Variants in ZNF136 observed in about 807,000 individuals in gnomAD.
ZNF136 encodes the protein zinc finger protein 136 (clone pHZ-20).
Under a neutral mutation model 11.4 loss-of-function variants are expected in ZNF136, and 8 were observed. The ratio of observed to expected loss-of-function variants is 0.70; its 90% CI spans 0.41 to 1.27. The LOEUF (loss-of-function observed/expected upper bound fraction) is 1.27. ZNF136 is among the 50% of genes most tolerant of loss of function. The pLI, the probability that ZNF136 is intolerant of heterozygous loss-of-function variation, is 0.01. For missense variants in ZNF136, 590 were observed against 656.5 expected (o/e 0.90, Z 1.11); for synonymous variants, 190 against 207.1 (o/e 0.92, Z 0.71).
At chr19:12,184,534 CAACAGAGAGCCAGACTCCGTCT>C in intron 1 of ZNF136, 1 of 143,664 alleles carries the variant, frequency 7.0e-6, no homozygotes, top group Non-Finnish European at 1.5e-5. Context: ...CCAGCCTGGG[CAACAGAGAGCCAGACTCCGTCT>C]AAAAAAAAAA....
chr19:12,166,145 T>A (rs1341265793), intron 1 of ZNF136, among the ~76,000 whole-genome samples: 1 of 151,988 alleles, frequency 6.6e-6, no homozygotes, highest in African/African-American at 2.4e-5. Flanking sequence ...GGAGAATCAC[T>A]TGAACCCAGG....
At position 12,186,673 on chromosome 19, in the gene ZNF136, G is replaced by A; in HGVS notation, c.295G>A (p.Val99Met). 6.2e-7 allele frequency: 1 copy of A among 1,614,148 alleles called. No individual in the cohort carries two copies. The highest frequency in any genetic ancestry group is 1.1e-5 in the South Asian group (1 of 91,080). Residue 99 changes from valine (V) to methionine (M), a missense_variant, in exon 4 of 4, where the codon GTG becomes ATG. By Grantham distance (21) the Val-to-Met change is conservative. Transcript: ENST00000343979. Reference sequence around the variant, plus strand: ...GAATCTGAGCAAGAAAATCCCTGGAGTGAAACTCTGTGAAAGCATTGTATA... The same window carrying A: ...GAATCTGAGCAAGAAAATCCCTGGAATGAAACTCTGTGAAAGCATTGTATA... Reference protein sequence around the residue: ...NQNLSKKIPGVKLCESIVYGE... With the variant: ...NQNLSKKIPGMKLCESIVYGE...
intron 1 of ZNF136, among the ~76,000 whole-genome samples, chr19:12,177,537 T>G (rs1316947124): frequency 2.0e-5 from 3 of 152,120 alleles, no homozygotes; most frequent in Non-Finnish European, 4.4e-5. Context: ...TTAGTGGAGA[T>G]GGGGTTTCAC....
intron 1 of ZNF136, among the ~76,000 whole-genome samples, chr19:12,181,728 G>A (rs1325321431): frequency 2.6e-5 from 4 of 152,022 alleles, no homozygotes; most frequent in Non-Finnish European, 2.9e-5. Context: ...TCCGCCTCCC[G>A]GGTTCACACC....
At chr19:12,172,628 ATAG>A (rs1236259028) in intron 1 of ZNF136, among the ~76,000 whole-genome samples, 1 of 152,202 alleles carries the variant, frequency 6.6e-6, no homozygotes, top group African/African-American at 2.4e-5. Context: ...TTAGGTTCAA[ATAG>A]TAGTCAGGTG....
At position 12,187,987 on chromosome 19, in the gene ZNF136, T is replaced by C; in HGVS notation, c.1609T>C (p.Trp537Arg). 1 of 1,525,660 alleles carries C rather than the reference T, an allele frequency of 6.6e-7. No individual in the cohort carries two copies. The highest frequency in any genetic ancestry group is 1.3e-5 in the South Asian group (1 of 74,212). 94.5% of individuals were successfully genotyped at this position (1,525,660 alleles called of 1,614,324 possible). A position where few individuals can be genotyped will look rare whatever the true frequency, so the allele number is the denominator to read the frequency against. The change falls in exon 4 of 4, where the codon TGG (tryptophan) becomes CGG (arginine). Residue 537 changes from tryptophan (W) to arginine (R), a missense_variant. Transcript: ENST00000343979. ...AGATGGACCACCTTATAAATGCATG[T>C]GGGAAAGCCTTTAATGCTCTGGGTT... is the stretch of plus-strand genomic sequence containing the variant. Reference protein sequence around the residue: ...AEDGPPYKCMWESL With the variant: ...AEDGPPYKCMRESL
Position 12,186,788 on chromosome 19 carries a change from A to G in ZNF136, c.410A>G (p.Glu137Gly). The G allele has an allele frequency of 6.2e-7, 1 of 1,614,172 alleles. No homozygotes were observed. The highest frequency in any genetic ancestry group is 8.5e-7 in the Non-Finnish European group (1 of 1,180,028). ...CCAAAGGAATATCAGGAATATGGAG[A>G]GAAGCCAGATACACGTAACCAGTGT... The part of the protein sequence containing the change: ...HEPKEYQEYG[E>G]KPDTRNQCWK... The change falls in exon 4 of 4, where the codon GAG becomes GGG. Residue 137 changes from glutamate (E) to glycine (G), a missense_variant. Coordinates refer to ENST00000343979, the MANE Select transcript of ZNF136 (RefSeq NM_003437.5).
chr19:12,176,966 G>C (rs779842721), intron 1 of ZNF136, among the ~76,000 whole-genome samples: 34 of 152,198 alleles, frequency 2.2e-4, no homozygotes, highest in Non-Finnish European at 4.4e-4. Flanking sequence ...GACAGAGGCT[G>C]TGTTTGTATG....
rs1915201783 is a variant in ZNF136, at chr19:12,189,495, A to G, written c.*1494A>G. 1 of 152,192 alleles carries G rather than the reference A, an allele frequency of 6.6e-6. No individual in the cohort carries two copies. The highest frequency in any genetic ancestry group is 2.4e-5 in the African/African-American group (1 of 41,410). 9.4% of individuals were successfully genotyped at this position (152,192 alleles called of 1,614,324 possible). Reference sequence around the variant, plus strand: ...CTTAGCCTCCTAGGAAGCTGGGACTACAGGCATGTGCCACCACACCTGGCT... The same window carrying G: ...CTTAGCCTCCTAGGAAGCTGGGACTGCAGGCATGTGCCACCACACCTGGCT... On this transcript the variant is annotated 3_prime_UTR_variant, in exon 4 of 4. Coordinates refer to ENST00000343979, the MANE Select transcript of ZNF136 (RefSeq NM_003437.5).
intron 1 of ZNF136, among the ~76,000 whole-genome samples, chr19:12,179,185 A>G (rs1488500004): frequency 6.6e-6 from 1 of 152,174 alleles, no homozygotes; most frequent in African/African-American, 2.4e-5. Flanking sequence ...CCTTTTTCCA[A>G]AGATTATCAG....
chr19:12,173,033 G>A (rs563377463), intron 1 of ZNF136, among the ~76,000 whole-genome samples: 122 of 152,108 alleles, frequency 8.0e-4, no homozygotes, highest in African/African-American at 2.7e-3. Flanking sequence ...AAAAATTCCC[G>A]GAGAGAGGAG....
At chr19:12,172,134 A>G (rs955768744) in intron 1 of ZNF136, among the ~76,000 whole-genome samples, 13 of 151,942 alleles carry the variant, frequency 8.6e-5, no homozygotes, top group Admixed American at 2.6e-4. Flanking sequence ...GTGAGCCACC[A>G]TGCCCGGCTA....
chr19:12,175,592 C>T (rs1394993613), intron 1 of ZNF136, among the ~76,000 whole-genome samples: 3 of 152,168 alleles, frequency 2.0e-5, no homozygotes, highest in Non-Finnish European at 4.4e-5. Flanking sequence ...AGTCACAACC[C>T]GTCCAGCTAT....
In ZNF136 at chr19:12,186,759, T is replaced by C; in HGVS notation, c.381T>C (p.His127=). The change falls in exon 4 of 4, where the codon CAT becomes CAC. Residue 127 remains histidine, a synonymous_variant. Transcript: ENST00000343979. ...LNRHIKDHSG[H]EPKEYQEYGE... ...GACACATCAAAGATCACAGTGGACATGAACCAAAGGAATATCAGGAATATG... is the reference window on the plus strand; with the variant it reads ...GACACATCAAAGATCACAGTGGACACGAACCAAAGGAATATCAGGAATATG... The C allele has an allele frequency of 4.3e-6, 7 of 1,614,108 alleles. No individual in the cohort carries two copies. The highest frequency in any genetic ancestry group is 5.9e-6 in the Non-Finnish European group (7 of 1,180,006).
chr19:12,183,161 TG>T (rs1914988100), intron 1 of ZNF136, among the ~76,000 whole-genome samples: 1 of 152,076 alleles, frequency 6.6e-6, no homozygotes, highest in South Asian at 2.1e-4. Flanking sequence ...TTTTTTGGTT[TG>T]TTTGTTTGAG....
intron 1 of ZNF136, among the ~76,000 whole-genome samples, chr19:12,167,534 T>C (rs1977203387): frequency 6.6e-6 from 1 of 152,208 alleles, no homozygotes; most frequent in African/African-American, 2.4e-5. Context: ...GAGACCAGCC[T>C]AGGCAACATT....
At chr19:12,164,519 T>G (rs1250925599) in intron 1 of ZNF136, 1 of 150,126 alleles carries the variant, frequency 6.7e-6, no homozygotes. Flanking sequence ...GTCGGCTCAC[T>G]GCAACCTCTG....
chr19:12,186,965 A>G lies in ZNF136; in HGVS notation c.587A>G (p.Tyr196Cys), dbSNP rs1243322213. ...ATCACACACAGTGGATATACACCATATAAATGTAAGGTGTGTGGGAAAGCT... is the reference window on the plus strand; with the variant it reads ...ATCACACACAGTGGATATACACCATGTAAATGTAAGGTGTGTGGGAAAGCT... Reference protein sequence around the residue: ...HIITHSGYTPYKCKVCGKAFD... With the variant: ...HIITHSGYTPCKCKVCGKAFD... Residue 196 changes from tyrosine to cysteine, a missense_variant, in exon 4 of 4, where the codon TAT becomes TGT. Physicochemically the swap from Tyr to Cys is radical, Grantham distance 194. Transcript: ENST00000343979. 6.2e-7 allele frequency: 1 copy of G among 1,614,132 alleles called. No homozygotes were observed. Among genetic ancestry groups the G allele is most frequent in the South Asian group, 1.1e-5 (1 of 91,086 alleles).
At chr19:12,180,065 A>G (rs1384418488) in intron 1 of ZNF136, among the ~76,000 whole-genome samples, 3 of 151,638 alleles carry the variant, frequency 2.0e-5, no homozygotes, top group African/African-American at 4.9e-5. Context: ...ACGGGGTTTC[A>G]CCATGTTAGC....
Sources: gnomAD v4.1 joint callset for allele counts (sites outside exome capture counted in the v4.1 genomes callset) on GRCh38, gnomAD v4.1.1 for gene constraint, MANE v1.5 for transcripts, NCBI Gene and HGNC (gene_info 2026-07-23, HGNC 2026-07-21) for gene names.